ZDHHC3: variants seen among roughly 807,000 people sequenced by gnomAD.
The protein encoded by ZDHHC3 is palmitoyltransferase ZDHHC3.
ZDHHC3 carries 9 observed loss-of-function variants against 30.6 expected under a neutral mutation model. That is an observed-to-expected ratio of 0.29 (90% CI 0.18 to 0.51). The LOEUF (loss-of-function observed/expected upper bound fraction) is 0.51. Ranked by LOEUF, ZDHHC3 falls within the 20% of genes least tolerant of loss-of-function variation. The pLI is 0.97. For synonymous variants in ZDHHC3, 136 were observed against 140.2 expected, an observed-to-expected ratio of 0.97 and a Z score of 0.21; for missense variants, 246 against 384.2, an observed-to-expected ratio of 0.64 and a Z score of 3.01.
chr3:44,935,522 A>G lies in ZDHHC3; in HGVS notation c.432-1538T>C, dbSNP rs541031782. ...AGCAATCCACCTGCTTTGGCCTCCC[A>G]AAGTGCTGGGATGACAGGCAGGAGC... is the stretch of plus-strand genomic sequence containing the variant. On this transcript the variant is annotated intron_variant, in intron 3 of 6. Coordinates refer to ENST00000424952, the MANE Select transcript of ZDHHC3 (RefSeq NM_001135179.2). Among the ~76,000 whole-genome samples the G allele has an allele frequency of 1.8e-4, 27 of 152,336 alleles. No individual in the cohort carries two copies. The South Asian group carries it at 5.4e-3, about 30-fold the overall frequency.
Position 44,919,726 on chromosome 3 carries a change from G to T in ZDHHC3, c.*6963C>A. The stretch of plus-strand genomic sequence containing the variant: ...GGGTATGGTGTTGCCAATGTCCAGG[G>T]TTTTATATTTGTATTATGGTTGTAT... On this transcript the variant is annotated 3_prime_UTR_variant, in exon 7 of 7. Transcript: ENST00000424952. The T allele has an allele frequency of 3.2e-6, 1 of 309,074 alleles. No homozygotes were observed. Among genetic ancestry groups the T allele is most frequent in the Non-Finnish European group, 4.7e-6 (1 of 211,624 alleles). The allele number at this position is 309,074 out of a possible 1,614,324, so 19.1% of individuals were successfully genotyped here. A position where few individuals can be genotyped will look rare whatever the true frequency, so the allele number is the denominator to read the frequency against.
In ZDHHC3 at chr3:44,925,494, A is replaced by G. The variant is rs879929582; in HGVS notation, c.*1195T>C. On this transcript the variant is annotated 3_prime_UTR_variant, in exon 7 of 7. Coordinates refer to ENST00000424952, the MANE Select transcript of ZDHHC3 (RefSeq NM_001135179.2). Reference sequence around the variant, plus strand: ...CCACCATCACCACCTCCTTCAAACAAGACTGACACAGGAAGTGCCTCTCAA... The same window carrying G: ...CCACCATCACCACCTCCTTCAAACAGGACTGACACAGGAAGTGCCTCTCAA... 1.0e-6 allele frequency: 1 copy of G among 985,430 alleles called. No homozygotes were observed. Among genetic ancestry groups the G allele is most frequent in the Non-Finnish European group, 1.2e-6 (1 of 829,926 alleles). 61.0% of individuals were successfully genotyped at this position (985,430 alleles called of 1,614,324 possible).
rs935464193 is a variant in ZDHHC3 at position 44,921,639 on chromosome 3, T to C, written c.*5050A>G. Reference sequence around the variant, plus strand: ...AAAGCCATACCAGGGCCAGACGCTATACATTCCTATTCATCACCCTCATTT... The same window carrying C: ...AAAGCCATACCAGGGCCAGACGCTACACATTCCTATTCATCACCCTCATTT... On this transcript the variant is annotated 3_prime_UTR_variant, in exon 7 of 7. Coordinates refer to ENST00000424952, the MANE Select transcript of ZDHHC3 (RefSeq NM_001135179.2). 4 of 980,604 alleles carry C rather than the reference T, an allele frequency of 4.1e-6. No homozygotes were observed. Among genetic ancestry groups the C allele is most frequent in the Admixed American group, 1.2e-4 (2 of 16,266 alleles). 60.7% of individuals were successfully genotyped at this position (980,604 alleles called of 1,614,324 possible). A position where few individuals can be genotyped will look rare whatever the true frequency, so the allele number is the denominator to read the frequency against.
At position 44,926,372 on chromosome 3, in the gene ZDHHC3, G is replaced by C; in HGVS notation, c.*317C>G. ...CATGTCTCACTCAGTTAGTAGAATGGGCACAGCGCGAGACAGCGCCCTCTA... is the reference window on the plus strand; with the variant it reads ...CATGTCTCACTCAGTTAGTAGAATGCGCACAGCGCGAGACAGCGCCCTCTA... On this transcript the variant is annotated 3_prime_UTR_variant, in exon 7 of 7. Transcript: ENST00000424952. The C allele has an allele frequency of 1.1e-5, 12 of 1,053,212 alleles. No homozygotes were observed. Among genetic ancestry groups the C allele is most frequent in the Non-Finnish European group, 1.4e-5 (12 of 874,660 alleles). The allele number at this position is 1,053,212 out of a possible 1,614,324, so 65.2% of individuals were successfully genotyped here.
intron 1 of ZDHHC3, among the ~76,000 whole-genome samples, chr3:44,974,018 A>T (rs1175622419): frequency 6.6e-6 from 1 of 152,234 alleles, no homozygotes; most frequent in Non-Finnish European, 1.5e-5. Flanking sequence ...AAAAGAACTC[A>T]GAATTTATGG....
chr3:44,939,241 T>C (rs966674085), intron 3 of ZDHHC3, among the ~76,000 whole-genome samples: 2 of 152,220 alleles, frequency 1.3e-5, no homozygotes, highest in East Asian at 3.8e-4. Flanking sequence ...GCAAGTCCAT[T>C]AGCCACTCTG....
Position 44,916,631 on chromosome 3 carries a change from G to C in ZDHHC3, c.*10058C>G, listed in dbSNP as rs1449132883. On this transcript the variant is annotated 3_prime_UTR_variant, in exon 7 of 7. Coordinates refer to ENST00000424952, the MANE Select transcript of ZDHHC3 (RefSeq NM_001135179.2). The stretch of plus-strand genomic sequence containing the variant: ...AAGAGAGGAACAAAGGCACGTGGAG[G>C]GAGTGGGTGGTGAATCCACTTCTTA... The C allele has an allele frequency of 6.6e-6, 1 of 152,268 alleles. No individual in the cohort carries two copies. Among genetic ancestry groups the C allele is most frequent in the Non-Finnish European group, 1.5e-5 (1 of 68,090 alleles). 9.4% of individuals were successfully genotyped at this position (152,268 alleles called of 1,614,324 possible). A position where few individuals can be genotyped will look rare whatever the true frequency, so the allele number is the denominator to read the frequency against.
chr3:44,961,223 T>A (rs150217664), intron 1 of ZDHHC3, among the ~76,000 whole-genome samples: 1,796 of 152,226 alleles, frequency 0.012, 29 homozygotes, highest in African/African-American at 0.04. Flanking sequence ...AAACCCCATC[T>A]CTACTGAAAA....
At chr3:44,953,010 C>T (rs1357483238) in intron 2 of ZDHHC3, among the ~76,000 whole-genome samples, 1 of 152,230 alleles carries the variant, frequency 6.6e-6, no homozygotes, top group Non-Finnish European at 1.5e-5. Flanking sequence ...ATAACTCAAG[C>T]TGAATAATGA....
At position 44,959,443 on chromosome 3, in the gene ZDHHC3, T is replaced by G. The variant is rs781114397; in HGVS notation, c.-7A>C. 3.7e-6 allele frequency: 6 copies of G among 1,611,532 alleles called. No individual in the cohort carries two copies. The Admixed American group carries it at 1.0e-4, about 27-fold the overall frequency. On this transcript the variant is annotated 5_prime_UTR_variant, in exon 2 of 7. Coordinates refer to ENST00000424952, the MANE Select transcript of ZDHHC3 (RefSeq NM_001135179.2). This position sits in a 1 kb window ranked among gnomAD's most constrained non-coding sequence, Gnocchi z 4.3. Reference sequence around the variant, plus strand: ...GGGTGGGGATAAGCATCATAAGCTATTCTGTCCATACTGGCATCTGAAAGA... The same window carrying G: ...GGGTGGGGATAAGCATCATAAGCTAGTCTGTCCATACTGGCATCTGAAAGA...
chr3:44,958,194 T>A (rs1424339774), intron 2 of ZDHHC3, among the ~76,000 whole-genome samples: 3 of 152,178 alleles, frequency 2.0e-5, no homozygotes, highest in Non-Finnish European at 1.5e-5. Flanking sequence ...GTAATTGAGT[T>A]GGGAAAGCTG....
At chr3:44,951,248 G>A (rs916855707) in intron 2 of ZDHHC3, among the ~76,000 whole-genome samples, 3 of 152,308 alleles carry the variant, frequency 2.0e-5, no homozygotes, top group Non-Finnish European at 2.9e-5. Flanking sequence ...TTTAAAATAA[G>A]TGTGTAGAAG....
chr3:44,923,923 T>G lies in ZDHHC3; in HGVS notation c.*2766A>C, dbSNP rs1042632822. On this transcript the variant is annotated 3_prime_UTR_variant, in exon 7 of 7. Coordinates refer to ENST00000424952, the MANE Select transcript of ZDHHC3 (RefSeq NM_001135179.2). ...CATGATATTACCAAGCCCATGCAAA[T>G]ATGCATAGATTATAGATTTGCTTGG... The G allele has an allele frequency of 1.0e-6, 1 of 985,330 alleles. No individual in the cohort carries two copies. Among genetic ancestry groups the G allele is most frequent in the Non-Finnish European group, 1.2e-6 (1 of 829,942 alleles). 61.0% of individuals were successfully genotyped at this position (985,330 alleles called of 1,614,324 possible).
At chr3:44,972,138 T>G (rs976566755) in intron 1 of ZDHHC3, among the ~76,000 whole-genome samples, 13 of 152,172 alleles carry the variant, frequency 8.5e-5, no homozygotes, top group African/African-American at 2.9e-4. Context: ...TGCTTAGGAC[T>G]GGGAACAGAA....
At chr3:44,966,152 T>C (rs1432308905) in intron 1 of ZDHHC3, among the ~76,000 whole-genome samples, 1 of 152,248 alleles carries the variant, frequency 6.6e-6, no homozygotes, top group African/African-American at 2.4e-5. Flanking sequence ...GATTAAACTT[T>C]CTGGCTCCCT....
At chr3:44,958,593 G>GCA in intron 2 of ZDHHC3, 1 of 1,536,170 alleles carries the variant, frequency 6.5e-7, no homozygotes, top group South Asian at 1.2e-5. Context: ...TTCACCAAGA[G>GCA]GCACTTGCTG....
chr3:44,940,309 G>T (rs1429699182), intron 3 of ZDHHC3, among the ~76,000 whole-genome samples: 1 of 152,088 alleles, frequency 6.6e-6, no homozygotes, highest in African/African-American at 2.4e-5. Context: ...CAAGGCCAAG[G>T]AAGGCTCACA....
chr3:44,926,451 T>G lies in ZDHHC3; in HGVS notation c.*238A>C. On this transcript the variant is annotated 3_prime_UTR_variant, in exon 7 of 7. Transcript: ENST00000424952. ...AGAAACCAGAGGCCAGAGAAGTGAT[T>G]TTAAAAGGAAAAGAGAGCAGCTTCG... 1.6e-6 allele frequency: 2 copies of G among 1,248,092 alleles called. No individual in the cohort carries two copies. The highest frequency in any genetic ancestry group is 2.0e-6 in the Non-Finnish European group (2 of 997,250). 77.3% of individuals were successfully genotyped at this position (1,248,092 alleles called of 1,614,324 possible). A position where few individuals can be genotyped will look rare whatever the true frequency, so the allele number is the denominator to read the frequency against.
In ZDHHC3 at chr3:44,919,528, C is replaced by T. The variant is rs1420765832; in HGVS notation, c.*7161G>A. Among the ~76,000 whole-genome samples the T allele has an allele frequency of 6.6e-6, 1 of 152,120 alleles. No homozygotes were observed. Among genetic ancestry groups the T allele is most frequent in the Non-Finnish European group, 1.5e-5 (1 of 68,034 alleles). ...TAATTTTGTGTTACAGGAATTTCAC[C>T]TCGATTTTTAAAAAGGGTCAAGGTC... is the stretch of plus-strand genomic sequence containing the variant. On this transcript the variant is annotated 3_prime_UTR_variant, in exon 7 of 7. Transcript: ENST00000424952.
Sources: allele counts gnomAD v4.1 joint callset (sites outside exome capture counted in the v4.1 genomes callset), GRCh38; gene constraint gnomAD v4.1.1; non-coding constraint Gnocchi (gnomAD v3.1); transcripts MANE v1.5; gene names NCBI Gene and HGNC (gene_info 2026-07-23, HGNC 2026-07-21).